Variants in NAALADL2 observed in about 807,000 individuals in gnomAD.
NAALADL2 encodes N-acetylated alpha-linked acidic dipeptidase like 2.
NAALADL2 carries 76 observed loss-of-function variants against 87.2 expected under a neutral mutation model. That is an observed-to-expected ratio of 0.87 (90% CI 0.72 to 1.05). NAALADL2 has a LOEUF of 1.05. Ranked by LOEUF, NAALADL2 falls within the 50% of genes least tolerant of loss-of-function variation. NAALADL2 has a pLI of 0.00. For missense variants in NAALADL2, 1,089 were observed against 945.8 expected (o/e 1.15, Z -1.99); for synonymous variants, 354 against 331.0 (o/e 1.07, Z -0.75).
chr3:175,165,304 C>G (rs1426914597), intron 2 of NAALADL2, among the ~76,000 whole-genome samples: 1 of 152,096 alleles, frequency 6.6e-6, no homozygotes, highest in Non-Finnish European at 1.5e-5. Context: ...ATTAGTCTTT[C>G]AATCCCCAGT....
At chr3:174,617,192 A>G (rs1028629086) in intron 2 of NAALADL2, among the ~76,000 whole-genome samples, 1 of 151,796 alleles carries the variant, frequency 6.6e-6, no homozygotes, top group Non-Finnish European at 1.5e-5. Flanking sequence ...GGTAAATTTG[A>G]TTGACAAAAT....
intron 2 of NAALADL2, among the ~76,000 whole-genome samples, chr3:174,672,485 CTTATG>C (rs1197228251): frequency 1.3e-5 from 2 of 151,934 alleles, no homozygotes; most frequent in East Asian, 3.9e-4. Context: ...CCTTCTGGAT[CTTATG>C]TTCTAGCAAG....
chr3:175,783,703 C>A (rs1429483231), intron 13 of NAALADL2, among the ~76,000 whole-genome samples: 1 of 151,252 alleles, frequency 6.6e-6, no homozygotes, highest in African/African-American at 2.4e-5. Context: ...TTTCCTTCTC[C>A]TGCCTAATTG....
chr3:175,405,416 C>T (rs1419379011), intron 5 of NAALADL2, among the ~76,000 whole-genome samples: 1 of 152,022 alleles, frequency 6.6e-6, no homozygotes, highest in Non-Finnish European at 1.5e-5. Flanking sequence ...CTCTTTTGAA[C>T]ATTAGTAAAT....
intron 4 of NAALADL2, among the ~76,000 whole-genome samples, chr3:175,304,927 A>G (rs1261775916): frequency 5.9e-5 from 9 of 152,074 alleles, no homozygotes; most frequent in Admixed American, 5.9e-4. Context: ...TAATTTCTTA[A>G]AATGAGAATT....
intron 1 of NAALADL2, among the ~76,000 whole-genome samples, chr3:175,019,973 C>T (rs1257760871): frequency 1.3e-5 from 2 of 152,032 alleles, no homozygotes; most frequent in Non-Finnish European, 2.9e-5. Flanking sequence ...TTTATGACAA[C>T]AGGAACCAGA....
rs77059249 is a variant in NAALADL2, at chr3:175,789,092, A to G, written c.2190-13913A>G. 5.9e-4 allele frequency among the ~76,000 whole-genome samples: 90 copies of G among 152,316 alleles called. No individual in the cohort carries two copies. The East Asian group carries it at 0.017, about 28-fold the overall frequency. On this transcript the variant is annotated intron_variant, in intron 13 of 13. Coordinates refer to ENST00000454872, the MANE Select transcript of NAALADL2 (RefSeq NM_207015.3). The stretch of plus-strand genomic sequence containing the variant: ...ATATTAGCCAAATATGCAGAAGACC[A>G]TAACTCTGAAACTGTTCAATCACTC...
At chr3:175,448,219 C>T (rs1262499332) in intron 6 of NAALADL2, among the ~76,000 whole-genome samples, 1 of 152,180 alleles carries the variant, frequency 6.6e-6, no homozygotes, top group East Asian at 1.9e-4. Context: ...TTGAGAGCCT[C>T]TAAACTGATT....
At chr3:175,090,589 T>G (rs1719912012) in intron 1 of NAALADL2, among the ~76,000 whole-genome samples, 1 of 151,044 alleles carries the variant, frequency 6.6e-6, no homozygotes, top group Admixed American at 6.6e-5. Flanking sequence ...TTCAAATGGC[T>G]TTGACTACAT....
intron 4 of NAALADL2, among the ~76,000 whole-genome samples, chr3:175,293,413 A>G (rs1204803399): frequency 1.3e-5 from 2 of 152,224 alleles, no homozygotes; most frequent in Non-Finnish European, 2.9e-5. Context: ...TATTGTTAGC[A>G]CTATCGATAT....
intron 2 of NAALADL2, among the ~76,000 whole-genome samples, chr3:175,136,829 T>TTA (rs1729187422): frequency 6.6e-6 from 1 of 152,150 alleles, no homozygotes; most frequent in East Asian, 1.9e-4. Flanking sequence ...GACCTTGTGT[T>TTA]TCTATAAGTC....
chr3:174,611,580 AT>A (rs1719887519), intron 2 of NAALADL2, among the ~76,000 whole-genome samples: 1 of 151,638 alleles, frequency 6.6e-6, no homozygotes, highest in African/African-American at 2.4e-5. Context: ...AGCTTCGATT[AT>A]TTCTTTTTTG....
At chr3:175,516,957 G>A (rs772443515) in intron 9 of NAALADL2, among the ~76,000 whole-genome samples, 6 of 152,082 alleles carry the variant, frequency 3.9e-5, no homozygotes, top group African/African-American at 1.2e-4. Context: ...TGATACAATT[G>A]TGTAGCTAAT....
chr3:175,613,521 A>T (rs1724942690), intron 10 of NAALADL2, among the ~76,000 whole-genome samples: 1 of 152,228 alleles, frequency 6.6e-6, no homozygotes. Flanking sequence ...GATGATTCTC[A>T]ACAATCATTA....
intron 8 of NAALADL2, among the ~76,000 whole-genome samples, chr3:175,471,270 G>A (rs1418543902): frequency 2.6e-5 from 4 of 151,826 alleles, no homozygotes; most frequent in African/African-American, 9.7e-5. Context: ...CAGGTCACGA[G>A]GTCAGGAGAT....
intron 1 of NAALADL2, among the ~76,000 whole-genome samples, chr3:175,058,362 T>G (rs2109062268): frequency 6.6e-6 from 1 of 152,328 alleles, no homozygotes; most frequent in Non-Finnish European, 1.5e-5. Context: ...ATTTATTGGT[T>G]ATTCACACAT....
intron 9 of NAALADL2, among the ~76,000 whole-genome samples, chr3:175,495,094 T>TATATATA (rs1167550415): frequency 0.047 from 6,230 of 133,014 alleles, 155 homozygotes; most frequent in Middle Eastern, 0.067. Flanking sequence ...ATATATATAT[T>TATATATA]TTTTTTTAAT....
intron 11 of NAALADL2, among the ~76,000 whole-genome samples, chr3:175,635,106 A>ATTGTGCC (rs1346729884): frequency 6.6e-6 from 1 of 152,090 alleles, no homozygotes; most frequent in African/African-American, 2.4e-5. Flanking sequence ...TCATTTACTG[A>ATTGTGCC]AACTGGAGAT....
chr3:174,531,947 A>C (rs1323011128), intron 1 of NAALADL2, among the ~76,000 whole-genome samples: 1 of 152,222 alleles, frequency 6.6e-6, no homozygotes, highest in African/African-American at 2.4e-5. Flanking sequence ...TAAAGTCCTC[A>C]TAAAAATTCC....
Sources: gnomAD v4.1 joint callset for allele counts (sites outside exome capture counted in the v4.1 genomes callset) on GRCh38, gnomAD v4.1.1 for gene constraint, MANE v1.5 for transcripts, NCBI Gene and HGNC (gene_info 2026-07-23, HGNC 2026-07-21) for gene names.